ZNF844: variants seen among roughly 807,000 people sequenced by gnomAD.
The protein encoded by ZNF844 is zinc finger protein 844.
ZNF844 carries 11 observed loss-of-function variants against 11.4 expected under a neutral mutation model. The ratio of observed to expected loss-of-function variants is 0.97; its 90% CI spans 0.61 to 1.60. ZNF844 has a LOEUF of 1.60. ZNF844 is among the 40% of genes most tolerant of loss of function. The pLI, the probability that ZNF844 is intolerant of heterozygous loss-of-function variation, is 0.00. For synonymous variants in ZNF844, 248 were observed against 260.3 expected, an observed-to-expected ratio of 0.95 and a Z score of 0.46; for missense variants, 790 against 796.8, an observed-to-expected ratio of 0.99 and a Z score of 0.10.
intron 1 of ZNF844, among the ~76,000 whole-genome samples, chr19:12,073,737 C>T (rs1416667713): frequency 6.6e-6 from 1 of 152,118 alleles, no homozygotes; most frequent in African/African-American, 2.4e-5. Context: ...GTGCTATAGA[C>T]CCATGCTACA....
chr19:12,077,756 G>C lies in ZNF844; in HGVS notation c.*635G>C, dbSNP rs553663973. 3 of 378,782 alleles carry C rather than the reference G, an allele frequency of 7.9e-6. No individual in the cohort carries two copies. In the East Asian group the frequency reaches 1.9e-4, roughly 24 times the overall value. 23.5% of individuals were successfully genotyped at this position (378,782 alleles called of 1,614,324 possible). On this transcript the variant is annotated 3_prime_UTR_variant, in exon 4 of 4. Transcript: ENST00000439326. ...ATGGGAAAGCCTTCAGATTTGCTAA[G>C]AACCTTCAAATACAGACAATGAATG...
In ZNF844 at chr19:12,077,630, C is replaced by G; in HGVS notation, c.*509C>G. 1.8e-6 allele frequency: 1 copy of G among 547,152 alleles called. No homozygotes were observed. The highest frequency in any genetic ancestry group is 5.1e-5 in the East Asian group (1 of 19,770). The allele number at this position is 547,152 out of a possible 1,614,324, so 33.9% of individuals were successfully genotyped here. On this transcript the variant is annotated 3_prime_UTR_variant, in exon 4 of 4. Coordinates refer to ENST00000439326, the MANE Select transcript of ZNF844 (RefSeq NM_001136501.3). ...GAAAGATTCACACTGGCGAGAAACC[C>G]TATGAATGTAAGCAATGTGGGAAAG...
chr19:12,067,835 C>T (rs1451151691), intron 1 of ZNF844, among the ~76,000 whole-genome samples: 6 of 150,300 alleles, frequency 4.0e-5, no homozygotes, highest in South Asian at 2.1e-4. Flanking sequence ...AGACGTGAAC[C>T]CAGGAGGTGG....
chr19:12,067,386 C>A (rs1975701086), intron 1 of ZNF844, among the ~76,000 whole-genome samples: 1 of 146,210 alleles, frequency 6.8e-6, no homozygotes. Context: ...CCGGGTCGGG[C>A]AATCACCTGA....
rs1323556072 is a variant in ZNF844 at position 12,081,325 on chromosome 19, C to T, written c.*4204C>T. 6.6e-6 allele frequency: 1 copy of T among 152,134 alleles called. No individual in the cohort carries two copies. Among genetic ancestry groups the T allele is most frequent in the Admixed American group, 6.5e-5 (1 of 15,268 alleles). 9.4% of individuals were successfully genotyped at this position (152,134 alleles called of 1,614,324 possible). A position where few individuals can be genotyped will look rare whatever the true frequency, so the allele number is the denominator to read the frequency against. ...GGGCTTTCAGGAAGGTGAGAATAAG[C>T]ACCTTCCTCCTCCCAGGAAGTTTTG... is the stretch of plus-strand genomic sequence containing the variant. On this transcript the variant is annotated 3_prime_UTR_variant, in exon 4 of 4. Coordinates refer to ENST00000439326, the MANE Select transcript of ZNF844 (RefSeq NM_001136501.3).
Position 12,075,510 on chromosome 19 carries a change from G to A in ZNF844, c.390G>A (p.Pro130=), listed in dbSNP as rs768064163. The part of the protein sequence containing the change: ...RHIRADTAHK[P]SEYQEYGQEP... ...TTAGAGCTGACACTGCACACAAGCC[G>A]TCTGAGTATCAGGAATATGGACAGG... is the stretch of plus-strand genomic sequence containing the variant. The change falls in exon 4 of 4, where the codon CCG becomes CCA. Residue 130 remains proline (P), a synonymous_variant. Coordinates refer to ENST00000439326, the MANE Select transcript of ZNF844 (RefSeq NM_001136501.3). 3.8e-5 allele frequency: 62 copies of A among 1,613,700 alleles called. No individual in the cohort carries two copies. Among genetic ancestry groups the A allele is most frequent in the South Asian group, 7.7e-5 (7 of 91,016 alleles).
rs913578199 is a variant in ZNF844 at position 12,078,983 on chromosome 19, G to A, written c.*1862G>A. 6.6e-6 allele frequency: 1 copy of A among 152,088 alleles called. No homozygotes were observed. The highest frequency in any genetic ancestry group is 1.5e-5 in the Non-Finnish European group (1 of 68,058). The allele number at this position is 152,088 out of a possible 1,614,324, so 9.4% of individuals were successfully genotyped here. A position where few individuals can be genotyped will look rare whatever the true frequency, so the allele number is the denominator to read the frequency against. On this transcript the variant is annotated 3_prime_UTR_variant, in exon 4 of 4. Transcript: ENST00000439326. Reference sequence around the variant, plus strand: ...TCCTGCCCCAGCCTCCCAAGTAGCTGGGATTACAGGTGACCGCCACCACGC... The same window carrying A: ...TCCTGCCCCAGCCTCCCAAGTAGCTAGGATTACAGGTGACCGCCACCACGC...
Position 12,076,850 on chromosome 19 carries a change from A to C in ZNF844, c.1730A>C (p.Gln577Pro). The C allele has an allele frequency of 6.4e-7, 1 of 1,562,028 alleles. No homozygotes were observed. The highest frequency in any genetic ancestry group is 1.2e-5 in the South Asian group (1 of 85,610). ...ATTTCTCTTCCTTTCAAATACATGC[A>C]ACAATGCACAGAGGACAGAATGCCT... ...STISLPFKYM[Q>P]QCTEDRMPMN... Residue 577 changes from glutamine (Q) to proline (P), a missense_variant, in exon 4 of 4, where the codon CAA becomes CCA. Coordinates refer to ENST00000439326, the MANE Select transcript of ZNF844 (RefSeq NM_001136501.3).
chr19:12,078,892 T>C lies in ZNF844; in HGVS notation c.*1771T>C, dbSNP rs7253123. ...TTGAGACGGAGTCTTGCTCTGTCGC[T>C]GAGGCTGAGAACAGTGGTTCCATCT... On this transcript the variant is annotated 3_prime_UTR_variant, in exon 4 of 4. Coordinates refer to ENST00000439326, the MANE Select transcript of ZNF844 (RefSeq NM_001136501.3). 149,014 of 152,256 alleles carry C rather than the reference T, an allele frequency of 0.98. 72,921 individuals carry two copies. The highest frequency in any genetic ancestry group is 1 in the East Asian group (5,177 of 5,178). 9.4% of individuals were successfully genotyped at this position (152,256 alleles called of 1,614,324 possible). A position where few individuals can be genotyped will look rare whatever the true frequency, so the allele number is the denominator to read the frequency against.
chr19:12,069,575 A>ATTT (rs111579049), intron 1 of ZNF844, among the ~76,000 whole-genome samples: 1 of 145,522 alleles, frequency 6.9e-6, no homozygotes, highest in Non-Finnish European at 1.5e-5. Flanking sequence ...CCAAAAAGGA[A>ATTT]TTTTTTTTTT....
intron 1 of ZNF844, among the ~76,000 whole-genome samples, chr19:12,066,785 A>ATT (rs2145540852): frequency 6.6e-6 from 1 of 151,882 alleles, no homozygotes; most frequent in South Asian, 2.1e-4. Flanking sequence ...TGACCTCATG[A>ATT]TCCGCCCACC....
Position 12,077,572 on chromosome 19 carries a change from C to A in ZNF844, c.*451C>A, listed in dbSNP as rs1975845651. On this transcript the variant is annotated 3_prime_UTR_variant, in exon 4 of 4. Transcript: ENST00000439326. The stretch of plus-strand genomic sequence containing the variant: ...TATGAATGTAAGCAGTGTGGTAAAG[C>A]CTTCAGATCTGCCACTCAACTTCAG... 5.1e-6 allele frequency: 3 copies of A among 590,656 alleles called. No individual in the cohort carries two copies. The highest frequency in any genetic ancestry group is 4.1e-5 in the South Asian group (3 of 72,644). 36.6% of individuals were successfully genotyped at this position (590,656 alleles called of 1,614,324 possible). A position where few individuals can be genotyped will look rare whatever the true frequency, so the allele number is the denominator to read the frequency against.
chr19:12,078,459 A>T lies in ZNF844; in HGVS notation c.*1338A>T, dbSNP rs1975856937. On this transcript the variant is annotated 3_prime_UTR_variant, in exon 4 of 4. Transcript: ENST00000439326. ...TCTATTTAATTAATTGAGAAGCCATAATAAAATATCTCAGTGCCATCATGC... is the reference window on the plus strand; with the variant it reads ...TCTATTTAATTAATTGAGAAGCCATTATAAAATATCTCAGTGCCATCATGC... 1 of 152,182 alleles carries T rather than the reference A, an allele frequency of 6.6e-6. No homozygotes were observed. The highest frequency in any genetic ancestry group is 2.4e-5 in the African/African-American group (1 of 41,428). The allele number at this position is 152,182 out of a possible 1,614,324, so 9.4% of individuals were successfully genotyped here.
rs376166375 is a variant in ZNF844 at position 12,076,876 on chromosome 19, A to G, written c.1756A>G (p.Met586Val). Residue 586 changes from methionine to valine, a missense_variant, in exon 4 of 4, where the codon ATG becomes GTG. Transcript: ENST00000439326. ...MQQCTEDRMPMNVKSVTKHSY... is the reference protein window; with the variant it reads ...MQQCTEDRMPVNVKSVTKHSY... ...ACAATGCACAGAGGACAGAATGCCT[A>G]TGAATGTAAAGAGTGTGACAAAGCA... The G allele has an allele frequency of 1.2e-4, 190 of 1,568,332 alleles. No individual in the cohort carries two copies. Among genetic ancestry groups the G allele is most frequent in the Non-Finnish European group, 1.6e-4 (180 of 1,156,546 alleles).
chr19:12,074,481 A>G (rs1975785753), intron 3 of ZNF844, 60 bp downstream of exon 3: 1 of 1,184,172 alleles, frequency 8.4e-7, no homozygotes, highest in African/African-American at 1.6e-5. Context: ...ATGCGAGAAT[A>G]TGTTAAGAAG....
chr19:12,070,849 A>T (rs1040487583), intron 1 of ZNF844, among the ~76,000 whole-genome samples: 1 of 152,184 alleles, frequency 6.6e-6, no homozygotes, highest in Non-Finnish European at 1.5e-5. Context: ...AGAGCAAGGT[A>T]CCGTAGAGGA....
chr19:12,069,184 T>TC (rs1975725199), intron 1 of ZNF844, among the ~76,000 whole-genome samples: 1 of 145,194 alleles, frequency 6.9e-6, no homozygotes, highest in Non-Finnish European at 1.5e-5. Context: ...TATTCCTTTT[T>TC]TTTTTTTTTT....
At position 12,076,070 on chromosome 19, in the gene ZNF844, C is replaced by A; in HGVS notation, c.950C>A (p.Ala317Glu). 6.4e-7 allele frequency: 1 copy of A among 1,563,338 alleles called. No homozygotes were observed. Among genetic ancestry groups the A allele is most frequent in the South Asian group, 1.2e-5 (1 of 85,904 alleles). ...TATGAATGTACCAAATGTGGGAAAG[C>A]ATTCAAGTGTCCCAGTTATCTTTGT... ...KAYECTKCGK[A>E]FKCPSYLCRH... Residue 317 changes from alanine to glutamate, a missense_variant, in exon 4 of 4, where the codon GCA (alanine) becomes GAA (glutamate). By Grantham distance (107) the Ala-to-Glu change is moderately radical. Around this residue, in one of 3 missense-constraint regions of ZNF844, gnomAD observed 657 missense variants for 636.2 expected, o/e 1.03. Coordinates refer to ENST00000439326, the MANE Select transcript of ZNF844 (RefSeq NM_001136501.3).
Position 12,081,565 on chromosome 19 carries a change from A to G in ZNF844, c.*4444A>G, listed in dbSNP as rs1380818102. On this transcript the variant is annotated 3_prime_UTR_variant, in exon 4 of 4. Transcript: ENST00000439326. Reference sequence around the variant, plus strand: ...TTAAAATATGTATTAGATCAAGTTCATAATGTTGCCAAGTTATTGGTTGGA... The same window carrying G: ...TTAAAATATGTATTAGATCAAGTTCGTAATGTTGCCAAGTTATTGGTTGGA... 2 of 152,250 alleles carry G rather than the reference A, an allele frequency of 1.3e-5. No homozygotes were observed. Among genetic ancestry groups the G allele is most frequent in the Non-Finnish European group, 2.9e-5 (2 of 68,052 alleles). 9.4% of individuals were successfully genotyped at this position (152,250 alleles called of 1,614,324 possible).
Sources: allele counts gnomAD v4.1 joint callset (sites outside exome capture counted in the v4.1 genomes callset), GRCh38; gene constraint gnomAD v4.1.1; regional missense constraint gnomAD v4.1.1; transcripts MANE v1.5; gene names NCBI Gene and HGNC (gene_info 2026-07-23, HGNC 2026-07-21).